DLG1: variants seen among roughly 807,000 people sequenced by gnomAD.
DLG1 encodes the protein disks large homolog 1.
DLG1 carries 42 observed loss-of-function variants against 123.4 expected under a neutral mutation model. The ratio of observed to expected loss-of-function variants is 0.34; its 90% CI spans 0.27 to 0.44. DLG1 has a LOEUF of 0.44. DLG1 is among the 20% of genes least tolerant of loss of function. The pLI, the probability that DLG1 is intolerant of heterozygous loss-of-function variation, is 1.00. For synonymous variants in DLG1, 317 were observed against 356.2 expected (o/e 0.89, Z 1.24); for missense variants, 942 against 1,082.6 (o/e 0.87, Z 1.82).
Position 197,119,519 on chromosome 3 carries a change from G to T in DLG1, c.1177C>A (p.Pro393Thr), listed in dbSNP as rs759238456. The T allele has an allele frequency of 1.2e-6, 2 of 1,606,852 alleles. No homozygotes were observed. The change falls in exon 12 of 25, where the codon CCT (proline) becomes ACT (threonine). Residue 393 changes from proline (P) to threonine (T), a missense_variant. Physicochemically the swap from Pro to Thr is conservative, Grantham distance 38. Transcript: ENST00000667157. ...GATGGGCTAACATGGTTATCAACAG[G>T]CTGAGAAGAAGCTTCAAAATAAACA... ...PPDITNSSSQ[P>T]VDNHVSPSSF... is the part of the protein sequence containing the mutation.
intron 23 of DLG1, 26 bp downstream of exon 23, chr3:197,059,863 G>GCTA (rs1322167186): frequency 1.4e-6 from 2 of 1,468,652 alleles, no homozygotes; most frequent in African/African-American, 2.8e-5. Flanking sequence ...GTACACAGAG[G>GCTA]CTATGCCTTA....
At chr3:197,072,679 T>C (rs1462417581) in intron 18 of DLG1, among the ~76,000 whole-genome samples, 1 of 125,290 alleles carries the variant, frequency 8.0e-6, no homozygotes, top group Non-Finnish European at 1.7e-5. Context: ...TATGATTGTC[T>C]TAAAAAAAAA....
At chr3:197,141,887 A>G (rs1788223854) in intron 7 of DLG1, among the ~76,000 whole-genome samples, 1 of 152,144 alleles carries the variant, frequency 6.6e-6, no homozygotes, top group South Asian at 2.1e-4. Flanking sequence ...TTGTATTTTT[A>G]GTAGAGACGG....
At chr3:197,257,667 A>G (rs182682876) in intron 4 of DLG1, among the ~76,000 whole-genome samples, 1 of 152,178 alleles carries the variant, frequency 6.6e-6, no homozygotes, top group Non-Finnish European at 1.5e-5. Flanking sequence ...ATCCTATTAC[A>G]AGAAATTCTG....
chr3:197,051,302 G>A (rs894081423), intron 24 of DLG1, among the ~76,000 whole-genome samples: 6 of 148,334 alleles, frequency 4.0e-5, no homozygotes, highest in African/African-American at 1.5e-4. Context: ...GAGCCAGGGA[G>A]GCCCCAGCTA....
Position 197,054,372 on chromosome 3 carries a change from T to C in DLG1, c.2484-2704A>G, listed in dbSNP as rs149882649. Among the ~76,000 whole-genome samples, 631 of 152,308 alleles carry C rather than the reference T, an allele frequency of 4.1e-3. 3 individuals carry two copies. The highest frequency in any genetic ancestry group is 0.025 in the South Asian group (119 of 4,828). ...TTCAAGGACCTCCACAATGTGTACGTTGACTGCTTGATGGTGTCTTATAGG... is the reference window on the plus strand; with the variant it reads ...TTCAAGGACCTCCACAATGTGTACGCTGACTGCTTGATGGTGTCTTATAGG... On this transcript the variant is annotated intron_variant, in intron 23 of 24. Transcript: ENST00000667157.
At chr3:197,073,694 G>C (rs1745479617) in intron 18 of DLG1, among the ~76,000 whole-genome samples, 1 of 152,046 alleles carries the variant, frequency 6.6e-6, no homozygotes, top group Non-Finnish European at 1.5e-5. Context: ...AAGAACAAAT[G>C]AATTCAGGTC....
At chr3:197,126,209 C>T (rs1778996983) in intron 11 of DLG1, among the ~76,000 whole-genome samples, 1 of 152,088 alleles carries the variant, frequency 6.6e-6, no homozygotes, top group African/African-American at 2.4e-5. Context: ...GGCTCGGTGG[C>T]TCATGCCTAT....
At chr3:197,171,071 AGTTCTTTG>A (rs1237291285) in intron 5 of DLG1, among the ~76,000 whole-genome samples, 7 of 152,236 alleles carry the variant, frequency 4.6e-5, no homozygotes, top group African/African-American at 1.7e-4. Flanking sequence ...TCCTAATCTA[AGTTCTTTG>A]GTTCTTTGTT....
At chr3:197,193,107 A>G (rs370643579) in intron 5 of DLG1, among the ~76,000 whole-genome samples, 1 of 152,178 alleles carries the variant, frequency 6.6e-6, no homozygotes, top group Non-Finnish European at 1.5e-5. Flanking sequence ...AATCCAGGTA[A>G]ATTTTACTAG....
At chr3:197,060,405 A>ATGAT (rs1734964023) in intron 22 of DLG1, among the ~76,000 whole-genome samples, 1 of 152,090 alleles carries the variant, frequency 6.6e-6, no homozygotes, top group Admixed American at 6.6e-5. Context: ...AAGTGCTGGG[A>ATGAT]TGATAGGCAT....
At chr3:197,233,080 C>T (rs1007318832) in intron 4 of DLG1, among the ~76,000 whole-genome samples, 5 of 151,756 alleles carry the variant, frequency 3.3e-5, no homozygotes, top group African/African-American at 7.3e-5. Context: ...AGGAAGGAAT[C>T]GTCAGAAAAC....
chr3:197,212,141 G>A (rs1731562605), intron 4 of DLG1, among the ~76,000 whole-genome samples: 1 of 146,040 alleles, frequency 6.8e-6, no homozygotes, highest in African/African-American at 2.4e-5. Flanking sequence ...CTGGGTACTG[G>A]GCTTAATACT....
At chr3:197,157,256 T>C (rs1437410367) in intron 5 of DLG1, among the ~76,000 whole-genome samples, 1 of 152,208 alleles carries the variant, frequency 6.6e-6, no homozygotes, top group African/African-American at 2.4e-5. Context: ...TCACAAATGA[T>C]ATGATCTTAT....
At position 197,069,201 on chromosome 3, in the gene DLG1, G is replaced by C; in HGVS notation, c.2047+18C>G. Reference sequence around the variant, plus strand: ...ATTACTCGAGATTACAAAAGAACAAGTAACTTAAAACACTTACGGTAACTA... The same window carrying C: ...ATTACTCGAGATTACAAAAGAACAACTAACTTAAAACACTTACGGTAACTA... On this transcript the variant is annotated intron_variant, in intron 19 of 24. Transcript: ENST00000667157. 1 of 1,557,762 alleles carries C rather than the reference G, an allele frequency of 6.4e-7. No homozygotes were observed. The highest frequency in any genetic ancestry group is 8.7e-7 in the Non-Finnish European group (1 of 1,147,904).
chr3:197,151,075 G>C (rs1793623375), intron 5 of DLG1, among the ~76,000 whole-genome samples: 1 of 152,070 alleles, frequency 6.6e-6, no homozygotes, highest in South Asian at 2.1e-4. Flanking sequence ...CCAACTTACA[G>C]ACATTTGAGA....
chr3:197,166,654 C>T (rs1801569423), intron 5 of DLG1, among the ~76,000 whole-genome samples: 1 of 152,080 alleles, frequency 6.6e-6, no homozygotes, highest in African/African-American at 2.4e-5. Context: ...CTTTGGGAGG[C>T]GGAGGTGGGC....
intron 4 of DLG1, among the ~76,000 whole-genome samples, chr3:197,227,399 T>C (rs1425910640): frequency 2.0e-5 from 3 of 151,692 alleles, no homozygotes; most frequent in African/African-American, 4.8e-5. Context: ...AGCTTGAAAC[T>C]GGGAGATGGA....
At chr3:197,232,992 G>C (rs1234680639) in intron 4 of DLG1, among the ~76,000 whole-genome samples, 1 of 152,064 alleles carries the variant, frequency 6.6e-6, no homozygotes, top group African/African-American at 2.4e-5. Context: ...ATTCTAACCA[G>C]TGTAATCAGG....
Sources: allele counts gnomAD v4.1 joint callset (sites outside exome capture counted in the v4.1 genomes callset), GRCh38; gene constraint gnomAD v4.1.1; transcripts MANE v1.5; gene names NCBI Gene and HGNC (gene_info 2026-07-23, HGNC 2026-07-21).